Variants in ANGPTL6 observed in about 807,000 individuals in gnomAD.
The protein encoded by ANGPTL6 is angiopoietin like 6, also known as angiopoietin-related protein 6.
A neutral mutation model predicts 47.4 loss-of-function variants in ANGPTL6; 45 were observed. The ratio of observed to expected loss-of-function variants is 0.95; its 90% CI spans 0.75 to 1.22. The LOEUF is 1.22. Among genes scored for constraint, ANGPTL6 ranks in the 50% most tolerant of loss-of-function variants. The probability of loss-of-function intolerance (pLI) is 0.00; values close to 1 mark genes in which losing one functional copy is unlikely to be tolerated. For missense variants in ANGPTL6, 698 were observed against 669.4 expected, an observed-to-expected ratio of 1.04 and a Z score of -0.47; for synonymous variants, 290 against 295.9, an observed-to-expected ratio of 0.98 and a Z score of 0.20.
upstream of ANGPTL6, among the ~76,000 whole-genome samples, chr19:10,103,282 G>A (rs559282389): frequency 8.6e-5 from 13 of 151,728 alleles, no homozygotes; most frequent in Admixed American, 5.9e-4. Context: ...ACATTTGCAC[G>A]CACGCACACA....
chr19:10,093,986 CCT>C lies in ANGPTL6; in HGVS notation c.764-108_764-107del, dbSNP rs2088465288. The C allele has an allele frequency of 3.3e-6, 4 of 1,213,766 alleles. No individual in the cohort carries two copies. In the Admixed American group the frequency reaches 8.2e-5, roughly 25 times the overall value. The allele number at this position is 1,213,766 out of a possible 1,614,324, so 75.2% of individuals were successfully genotyped here. ...TCCTCTCACCAGAATAAGAGTTCTG[CCT>C]CTCCCACTTTTCTACCAAAGAGTCC... On this transcript the variant is annotated intron_variant, in intron 3 of 5. Coordinates refer to ENST00000253109, the MANE Select transcript of ANGPTL6 (RefSeq NM_031917.3).
chr19:10,096,650 C>G lies in ANGPTL6; in HGVS notation c.-10-77G>C, dbSNP rs1029673499. 7.0e-6 allele frequency: 8 copies of G among 1,143,562 alleles called. No homozygotes were observed. The African/African-American group carries it at 9.9e-5, about 14-fold the overall frequency. 70.8% of individuals were successfully genotyped at this position (1,143,562 alleles called of 1,614,324 possible). The stretch of plus-strand genomic sequence containing the variant: ...ACCCCTCCGCTTCCACGCGGGGATG[C>G]GCGCGTCTACACCCGCGATGTCCCG... On this transcript the variant is annotated intron_variant, in intron 1 of 5. Transcript: ENST00000253109.
intron 3 of ANGPTL6, 70 bp downstream of exon 3, chr19:10,094,688 A>G: frequency 6.3e-7 from 1 of 1,576,828 alleles, no homozygotes; most frequent in Non-Finnish European, 8.7e-7. Flanking sequence ...AATGAGAGAA[A>G]TCTGCCACTA....
Position 10,092,617 on chromosome 19 carries a change from G to A in ANGPTL6, c.1385C>T (p.Ala462Val). 6.2e-7 allele frequency: 1 copy of A among 1,610,810 alleles called. No homozygotes were observed. The highest frequency in any genetic ancestry group is 8.5e-7 in the Non-Finnish European group (1 of 1,177,412). Residue 462 changes from alanine to valine, a missense_variant, in exon 6 of 6, where the codon GCC (alanine) becomes GTC (valine). By Grantham distance (64) the Ala-to-Val change is moderately conservative. Coordinates refer to ENST00000253109, the MANE Select transcript of ANGPTL6 (RefSeq NM_031917.3). ...RGGAYSLRKAAMLIRPLKL is the reference protein window; with the variant it reads ...RGGAYSLRKAVMLIRPLKL The stretch of plus-strand genomic sequence containing the variant: ...CAGCTTCAGGGGCCGAATGAGCATG[G>A]CGGCCTTCCTGAGAGAATATGCCCC...
chr19:10,102,810 T>G (rs1248324430), upstream of ANGPTL6: 16 of 976,406 alleles, frequency 1.6e-5, no homozygotes, highest in Non-Finnish European at 1.8e-5. Context: ...TGAGACAGAA[T>G]TGCCAGACCC....
intron 3 of ANGPTL6, 137 bp downstream of exon 3, chr19:10,094,621 G>A (rs1000134422): frequency 1.5e-5 from 16 of 1,091,066 alleles, no homozygotes; most frequent in Non-Finnish European, 2.2e-5. Flanking sequence ...TCACACCTTA[G>A]AAGTTTGGTC....
chr19:10,103,165 A>T (rs1228625086), upstream of ANGPTL6, among the ~76,000 whole-genome samples: 1 of 151,904 alleles, frequency 6.6e-6, no homozygotes, highest in Non-Finnish European at 1.5e-5. Context: ...AAAAGAGACC[A>T]GGATGGGAGC....
At chr19:10,100,211 T>G (rs978642690) in intron 1 of ANGPTL6, among the ~76,000 whole-genome samples, 1 of 151,708 alleles carries the variant, frequency 6.6e-6, no homozygotes, top group Non-Finnish European at 1.5e-5. Flanking sequence ...CACCACTGCC[T>G]TCTAGCCTAG....
intron 1 of ANGPTL6, among the ~76,000 whole-genome samples, chr19:10,097,372 ACT>A (rs1411806824): frequency 6.7e-6 from 1 of 149,842 alleles, no homozygotes; most frequent in Non-Finnish European, 1.5e-5. Context: ...ACAGAGCAAG[ACT>A]CTGTCTCAAA....
chr19:10,103,986 A>G (rs182883034), upstream of ANGPTL6, among the ~76,000 whole-genome samples: 6 of 147,004 alleles, frequency 4.1e-5, no homozygotes, highest in East Asian at 4.2e-4. Context: ...CCAGCTACTC[A>G]GGAGGCTGAG....
upstream of ANGPTL6, among the ~76,000 whole-genome samples, chr19:10,104,474 C>T (rs771971387): frequency 1.3e-4 from 19 of 151,924 alleles, no homozygotes; most frequent in Non-Finnish European, 1.9e-4. Flanking sequence ...GCATAAGAAG[C>T]CAAGCACACC....
upstream of ANGPTL6, among the ~76,000 whole-genome samples, chr19:10,104,987 G>A (rs1379296127): frequency 6.6e-6 from 1 of 152,212 alleles, no homozygotes; most frequent in Non-Finnish European, 1.5e-5. Flanking sequence ...TAACCATGCA[G>A]TCATTTCCCA....
At chr19:10,095,908 G>A (rs1036173928) in intron 2 of ANGPTL6, 74 bp downstream of exon 2, 3 of 917,834 alleles carry the variant, frequency 3.3e-6, no homozygotes, top group African/African-American at 1.7e-5. Flanking sequence ...TCAGAACTGT[G>A]GATAAGAGAT....
upstream of ANGPTL6, chr19:10,106,159 G>A: frequency 1.5e-6 from 1 of 675,828 alleles, no homozygotes; most frequent in African/African-American, 1.9e-5. Flanking sequence ...CGAACCGGCG[G>A]ATTCGTTTCT....
intron 2 of ANGPTL6, among the ~76,000 whole-genome samples, chr19:10,095,550 T>C (rs1173521771): frequency 6.6e-6 from 1 of 152,186 alleles, no homozygotes; most frequent in Non-Finnish European, 1.5e-5. Flanking sequence ...AGTATCTAAC[T>C]TACTGACTCC....
chr19:10,093,305 T>A lies in ANGPTL6; in HGVS notation c.1222+44A>T, dbSNP rs768388090. On this transcript the variant is annotated intron_variant, in intron 5 of 5. Coordinates refer to ENST00000253109, the MANE Select transcript of ANGPTL6 (RefSeq NM_031917.3). ...TTTCATTCCCTCACCAGAACAGGAG[T>A]CCCGCCTCCCCTATCCTCTCACCAG... is the stretch of plus-strand genomic sequence containing the variant. 10 of 1,581,902 alleles carry A rather than the reference T, an allele frequency of 6.3e-6. No homozygotes were observed. The East Asian group carries it at 2.3e-4, about 36-fold the overall frequency.
chr19:10,093,613 A>G lies in ANGPTL6; in HGVS notation c.958T>C (p.Phe320Leu), dbSNP rs2088453310. 6.2e-7 allele frequency: 1 copy of G among 1,613,474 alleles called. No homozygotes were observed. Reference protein sequence around the residue: ...FTTWQHYKAGFGRPDGEYWLG... With the variant: ...FTTWQHYKAGLGRPDGEYWLG... ...CAGTATTCTCCGTCTGGCCGCCCAA[A>G]GCCCGCCTGGCAGGGCAGGAAAGTC... Residue 320 changes from phenylalanine (F) to leucine (L), a missense_variant, in exon 5 of 6, where the codon TTT (phenylalanine) becomes CTT (leucine). Phe to Leu is a conservative substitution (Grantham distance 22). Coordinates refer to ENST00000253109, the MANE Select transcript of ANGPTL6 (RefSeq NM_031917.3).
chr19:10,105,342 T>G, upstream of ANGPTL6, among the ~76,000 whole-genome samples: 3 of 148,384 alleles, frequency 2.0e-5, no homozygotes, highest in African/African-American at 2.5e-5. Context: ...ATACAGAGAG[T>G]CAGACAGATG....
chr19:10,103,898 G>A (rs144572830), upstream of ANGPTL6, among the ~76,000 whole-genome samples: 7 of 151,122 alleles, frequency 4.6e-5, no homozygotes, highest in Admixed American at 3.3e-4. Flanking sequence ...TTCGAGACCA[G>A]CCTGGCCAAG....
Sources: gnomAD v4.1 joint callset for allele counts (sites outside exome capture counted in the v4.1 genomes callset) on GRCh38, gnomAD v4.1.1 for gene constraint, MANE v1.5 for transcripts, NCBI Gene and HGNC (gene_info 2026-07-23, HGNC 2026-07-21) for gene names.